The following MAPKAP1 variants were observed in gnomAD, a reference collection of about 807,000 sequenced individuals.
The protein encoded by MAPKAP1 is target of rapamycin complex 2 subunit MAPKAP1.
In MAPKAP1, 20 loss-of-function variants were observed where a neutral mutation model predicts 65.7. That is an observed-to-expected ratio of 0.30 (90% confidence interval 0.21 to 0.44). The LOEUF (loss-of-function observed/expected upper bound fraction) is 0.44. Ranked by LOEUF, MAPKAP1 falls within the 20% of genes least tolerant of loss-of-function variation. The pLI is 1.00. For synonymous variants in MAPKAP1, 222 were observed against 244.3 expected (o/e 0.91, Z 0.85); for missense variants, 423 against 648.0 (o/e 0.65, Z 3.77).
Position 125,669,869 on chromosome 9 carries a change from G to T in MAPKAP1, c.298C>A (p.Gln100Lys). 1 of 1,597,726 alleles carries T rather than the reference G, an allele frequency of 6.3e-7. No individual in the cohort carries two copies. Among genetic ancestry groups the T allele is most frequent in the Non-Finnish European group, 8.5e-7 (1 of 1,170,258 alleles). Residue 100 changes from glutamine to lysine, a missense_variant, in exon 3 of 12, where the codon CAG (glutamine) becomes AAG (lysine). Gln to Lys is a moderately conservative substitution (Grantham distance 53). This residue lies in a region of MAPKAP1 where 67 missense variants were observed against 69.6 expected (regional missense o/e 0.96). Coordinates refer to ENST00000265960, the MANE Select transcript of MAPKAP1 (RefSeq NM_001006617.3). ...LERLRKERQN[Q>K]IKCKNIQWKE... The stretch of plus-strand genomic sequence containing the variant: ...CACTGAATATTTTTGCATTTGATCT[G>T]GTTTTGTCTCTCTTTTCGGAGTCGT...
chr9:125,651,089 C>T (rs1833879779), intron 4 of MAPKAP1, among the ~76,000 whole-genome samples: 2 of 152,164 alleles, frequency 1.3e-5, no homozygotes, highest in Admixed American at 6.5e-5. Context: ...GCCTCAGCCT[C>T]CCAACATGCT....
Position 125,672,624 on chromosome 9 carries a change from T to G in MAPKAP1, c.-50A>C. 1 of 1,594,810 alleles carries G rather than the reference T, an allele frequency of 6.3e-7. No individual in the cohort carries two copies. Among genetic ancestry groups the G allele is most frequent in the Non-Finnish European group, 8.6e-7 (1 of 1,167,634 alleles). ...AAAGGCTATTTTCTCCTCTTCATAT[T>G]GTTTCACGAGCTCACCTACCTAGAA... On this transcript the variant is annotated 5_prime_UTR_variant, in exon 2 of 12. Transcript: ENST00000265960.
chr9:125,686,189 G>T (rs983089224), intron 1 of MAPKAP1, among the ~76,000 whole-genome samples: 2 of 151,562 alleles, frequency 1.3e-5, no homozygotes, highest in Non-Finnish European at 2.9e-5. Flanking sequence ...GTGTGGTGGT[G>T]GTGGGCGCCT....
rs1310656073 is a variant in MAPKAP1, at chr9:125,595,756, G to A, written c.499-10029C>T. ...GCTTTGAAACAACCAATGAGAGCAA[G>A]AGGAGCCATTGTGAGCAATGGGGAA... On this transcript the variant is annotated intron_variant, in intron 4 of 11. Coordinates refer to ENST00000265960, the MANE Select transcript of MAPKAP1 (RefSeq NM_001006617.3). The surrounding 1 kb of genome is among the most constrained non-coding windows in gnomAD (Gnocchi z 4.0). 2.2e-6 allele frequency: 3 copies of A among 1,374,196 alleles called. No homozygotes were observed. Among genetic ancestry groups the A allele is most frequent in the African/African-American group, 1.4e-5 (1 of 70,434 alleles). 85.1% of individuals were successfully genotyped at this position (1,374,196 alleles called of 1,614,324 possible).
Position 125,698,289 on chromosome 9 carries a change from ATATATATATATATATATAT to A in MAPKAP1, c.-70+8663_-70+8681del, listed in dbSNP as rs1239810606. On this transcript the variant is annotated intron_variant, in intron 1 of 11. Transcript: ENST00000265960. ...TATATATAATACATAATATATATAA[ATATATATATATATATATAT>A]ATATATATATATATATATATATATA... Among the ~76,000 whole-genome samples the A allele has an allele frequency of 6.7e-3, 525 of 77,808 alleles. 21 individuals carry two copies. The highest frequency in any genetic ancestry group is 0.022 in the African/African-American group (478 of 21,276). The allele number at this position is 77,808 out of a possible 152,430, so 51.0% of individuals were successfully genotyped here.
rs868640846 is a variant in MAPKAP1, at chr9:125,689,456, A to C, written c.-69-16813T>G. Among the ~76,000 whole-genome samples the C allele has an allele frequency of 2.3e-3, 319 of 139,720 alleles. 6 individuals carry two copies. Among genetic ancestry groups the C allele is most frequent in the Middle Eastern group, 4.3e-3 (1 of 230 alleles). 91.7% of individuals were successfully genotyped at this position (139,720 alleles called of 152,430 possible). On this transcript the variant is annotated intron_variant, in intron 1 of 11. Coordinates refer to ENST00000265960, the MANE Select transcript of MAPKAP1 (RefSeq NM_001006617.3). ...TCTCGGAAAAAAAAAAAAAAAAAAAAAAAAAACAGGCCAGGCACAGTGGCT... is the reference window on the plus strand; with the variant it reads ...TCTCGGAAAAAAAAAAAAAAAAAAACAAAAAACAGGCCAGGCACAGTGGCT...
At chr9:125,638,034 A>C (rs952615636) in intron 4 of MAPKAP1, among the ~76,000 whole-genome samples, 14 of 152,180 alleles carry the variant, frequency 9.2e-5, no homozygotes, top group African/African-American at 3.4e-4. Flanking sequence ...GGCCTCTTGA[A>C]GTGCTGGGAT....
At position 125,438,962 on chromosome 9, in the gene MAPKAP1, A is replaced by G. The variant is rs112690839; in HGVS notation, c.1494T>C (p.Phe498=). 3.1e-6 allele frequency: 5 copies of G among 1,614,082 alleles called. No homozygotes were observed. Among genetic ancestry groups the G allele is most frequent in the Non-Finnish European group, 4.2e-6 (5 of 1,180,036 alleles). ...TGTTCAGTTTTCTTTGTTTTTGAGC[A>G]AAGTAGTCAGCCCGGGCAGTGCTAG... ...SRASTARADY[F]AQKQRKLNRR... The change falls in exon 12 of 12, where the codon TTT becomes TTC. Residue 498 remains phenylalanine (F), a synonymous_variant. Coordinates refer to ENST00000265960, the MANE Select transcript of MAPKAP1 (RefSeq NM_001006617.3).
At chr9:125,465,408 TA>T (rs1210724427) in intron 10 of MAPKAP1, among the ~76,000 whole-genome samples, 1 of 152,158 alleles carries the variant, frequency 6.6e-6, no homozygotes, top group Non-Finnish European at 1.5e-5. Flanking sequence ...CTTTAAATAA[TA>T]AAGAAACAGA....
chr9:125,573,711 T>G (rs768542732), intron 5 of MAPKAP1, among the ~76,000 whole-genome samples: 1 of 152,192 alleles, frequency 6.6e-6, no homozygotes, highest in Non-Finnish European at 1.5e-5. Flanking sequence ...ACTGACCTTC[T>G]TTTGTTCCCT....
At chr9:125,665,240 G>A (rs1230943563) in intron 3 of MAPKAP1, among the ~76,000 whole-genome samples, 6 of 152,088 alleles carry the variant, frequency 3.9e-5, no homozygotes, top group African/African-American at 1.4e-4. Context: ...CCCCAGAGGC[G>A]GATGTCACAG....
intron 10 of MAPKAP1, among the ~76,000 whole-genome samples, chr9:125,459,819 G>A (rs1853399565): frequency 6.6e-6 from 1 of 151,728 alleles, no homozygotes; most frequent in Non-Finnish European, 1.5e-5. Context: ...GAGAGGGAGA[G>A]GGAGACCGTG....
At chr9:125,624,662 A>G (rs1833041150) in intron 4 of MAPKAP1, among the ~76,000 whole-genome samples, 1 of 60,386 alleles carries the variant, frequency 1.7e-5, no homozygotes, top group Non-Finnish European at 3.4e-5. Context: ...CCGGGAGGTG[A>G]GGGGCGCCTC....
At chr9:125,441,526 C>A (rs538939398) in intron 11 of MAPKAP1, among the ~76,000 whole-genome samples, 5 of 152,206 alleles carry the variant, frequency 3.3e-5, no homozygotes, top group Non-Finnish European at 7.3e-5. Flanking sequence ...TTTCTACAAG[C>A]GCAAAAAGCT....
intron 7 of MAPKAP1, among the ~76,000 whole-genome samples, chr9:125,524,769 C>G (rs1431601102): frequency 6.6e-6 from 1 of 152,264 alleles, no homozygotes; most frequent in Non-Finnish European, 1.5e-5. Context: ...CTTCAGCTGA[C>G]TCCCAGGCCA....
chr9:125,666,617 A>AC lies in MAPKAP1; in HGVS notation c.349+3200dup, dbSNP rs565305406. On this transcript the variant is annotated intron_variant, in intron 3 of 11. Coordinates refer to ENST00000265960, the MANE Select transcript of MAPKAP1 (RefSeq NM_001006617.3). ...AGGCCAGCCTGGGCAACACAGTGAG[A>AC]CCCCCAATTCTTAAAAGCAGAGAAT... 4.0e-4 allele frequency among the ~76,000 whole-genome samples: 61 copies of AC among 152,234 alleles called. 1 individual carries two copies. In the South Asian group the frequency reaches 0.012, roughly 31 times the overall value.
intron 10 of MAPKAP1, among the ~76,000 whole-genome samples, chr9:125,465,979 C>G (rs1853656043): frequency 6.6e-6 from 1 of 152,110 alleles, no homozygotes; most frequent in African/African-American, 2.4e-5. Context: ...TGACCACAGC[C>G]CAAATGTGAG....
intron 5 of MAPKAP1, among the ~76,000 whole-genome samples, chr9:125,576,056 T>A (rs1831385561): frequency 6.6e-6 from 1 of 152,238 alleles, no homozygotes; most frequent in Non-Finnish European, 1.5e-5. Context: ...AAATGCATAC[T>A]GCTAAGTGAA....
At chr9:125,634,889 CAA>C (rs995800831) in intron 4 of MAPKAP1, among the ~76,000 whole-genome samples, 2 of 152,142 alleles carry the variant, frequency 1.3e-5, no homozygotes, top group Admixed American at 6.5e-5. Context: ...TGAAGACTCT[CAA>C]AGAGTTCATG....
Sources: allele counts gnomAD v4.1 joint callset (sites outside exome capture counted in the v4.1 genomes callset), GRCh38; gene constraint gnomAD v4.1.1; regional missense constraint gnomAD v4.1.1; non-coding constraint Gnocchi (gnomAD v3.1); transcripts MANE v1.5; gene names NCBI Gene and HGNC (gene_info 2026-07-23, HGNC 2026-07-21).